CCDC198: variants seen among roughly 807,000 people sequenced by gnomAD.
The protein encoded by CCDC198 is factor associated with metabolism and energy.
CCDC198 carries 18 observed loss-of-function variants against 35.6 expected under a neutral mutation model. That is an observed-to-expected ratio of 0.51 (90% CI 0.35 to 0.75). CCDC198 has a LOEUF of 0.75. CCDC198 is among the 30% of genes least tolerant of loss of function. The pLI is 0.01. For synonymous variants in CCDC198, 119 were observed against 113.4 expected, an observed-to-expected ratio of 1.05 and a Z score of -0.31; for missense variants, 365 against 343.7, an observed-to-expected ratio of 1.06 and a Z score of -0.49.
At chr14:57,493,007 A>C (rs1008029950) in intron 1 of CCDC198, among the ~76,000 whole-genome samples, 1 of 152,090 alleles carries the variant, frequency 6.6e-6, no homozygotes, top group African/African-American at 2.4e-5. Context: ...TACTGCAATA[A>C]ATCAATACTG....
chr14:57,493,301 T>G (rs1006675911), intron 1 of CCDC198, among the ~76,000 whole-genome samples, 192 bp downstream of exon 1: 1 of 152,180 alleles, frequency 6.6e-6, no homozygotes, highest in Non-Finnish European at 1.5e-5. Context: ...ATACTCCCAT[T>G]CTAATGAACC....
At chr14:57,488,260 TA>T (rs2067435393) in intron 2 of CCDC198, among the ~76,000 whole-genome samples, 1 of 152,158 alleles carries the variant, frequency 6.6e-6, no homozygotes, top group South Asian at 2.1e-4. Flanking sequence ...GGTTGCAAGG[TA>T]TAATTCTTCC....
In CCDC198 at chr14:57,493,567, A is replaced by G; in HGVS notation, c.149T>C (p.Leu50Pro). ...TTCCAAGGCTTTATTCTGGTCCTGCAGTCTTGCCAGTGAATATGAAGTCTT... is the reference window on the plus strand; with the variant it reads ...TTCCAAGGCTTTATTCTGGTCCTGCGGTCTTGCCAGTGAATATGAAGTCTT... ...EEKTSYSLAR[L>P]QDQNKALEGQ... The change falls in exon 1 of 6, where the codon CTG becomes CCG. Residue 50 changes from leucine to proline, a missense_variant. Leu to Pro is a moderately conservative substitution (Grantham distance 98). Transcript: ENST00000216445. 1 of 1,613,994 alleles carries G rather than the reference A, an allele frequency of 6.2e-7. No individual in the cohort carries two copies. The highest frequency in any genetic ancestry group is 1.7e-4 in the Middle Eastern group (1 of 6,060).
chr14:57,486,603 C>T (rs1481844220), intron 2 of CCDC198, among the ~76,000 whole-genome samples: 1 of 151,988 alleles, frequency 6.6e-6, no homozygotes, highest in Non-Finnish European at 1.5e-5. Context: ...AGGTTGGGGG[C>T]CATTGACTTC....
At chr14:57,490,893 C>A in intron 2 of CCDC198, 96 bp downstream of exon 2, 1 of 1,151,358 alleles carries the variant, frequency 8.7e-7, no homozygotes, top group South Asian at 1.4e-5. Flanking sequence ...ATAGCTTGGT[C>A]CTTATCAATA....
At chr14:57,478,390 G>T in intron 5 of CCDC198, 1 of 862,760 alleles carries the variant, frequency 1.2e-6, no homozygotes, top group Non-Finnish European at 1.4e-6. Context: ...TCTAGGTTGT[G>T]TGAGAATTAA....
chr14:57,490,804 G>A (rs1037401870), intron 2 of CCDC198, 185 bp downstream of exon 2: 39 of 607,608 alleles, frequency 6.4e-5, no homozygotes, highest in African/African-American at 3.6e-4. Context: ...TCTTAAAAGC[G>A]AAATCATTGC....
At chr14:57,477,479 G>A (rs943322103) in intron 5 of CCDC198, among the ~76,000 whole-genome samples, 7 of 139,778 alleles carry the variant, frequency 5.0e-5, no homozygotes, top group Non-Finnish European at 7.8e-5. Flanking sequence ...ATTTTGTCAC[G>A]TGTATCTCAC....
chr14:57,481,370 A>G lies in CCDC198; in HGVS notation c.495+189T>C, dbSNP rs2067179108. Among the ~76,000 whole-genome samples, 7 of 152,190 alleles carry G rather than the reference A, an allele frequency of 4.6e-5. 1 individual carries two copies. Among genetic ancestry groups the G allele is most frequent in the Admixed American group, 4.6e-4 (7 of 15,286 alleles). ...ATACACAGATACAAACTTAGAAAAG[A>G]CTCAACAAGGTTATCAGCAGAAGGA... On this transcript the variant is annotated intron_variant, in intron 4 of 5. Coordinates refer to ENST00000216445, the MANE Select transcript of CCDC198 (RefSeq NM_018168.4).
chr14:57,482,421 A>T (rs2067218630), intron 3 of CCDC198, among the ~76,000 whole-genome samples: 1 of 152,154 alleles, frequency 6.6e-6, no homozygotes, highest in Non-Finnish European at 1.5e-5. Context: ...GGGCTTGAGG[A>T]TGTGACAGCA....
chr14:57,481,998 C>T (rs558393066), intron 3 of CCDC198, among the ~76,000 whole-genome samples: 2 of 152,316 alleles, frequency 1.3e-5, no homozygotes, highest in South Asian at 4.1e-4. Flanking sequence ...GAATTGTGTT[C>T]TGGTTTGAGG....
chr14:57,475,083 AC>A (rs1182848650), intron 5 of CCDC198, among the ~76,000 whole-genome samples: 2 of 151,914 alleles, frequency 1.3e-5, no homozygotes, highest in Admixed American at 6.6e-5. Context: ...AACACAGTGA[AC>A]CCCCGTCTCT....
rs1182376803 is a variant in CCDC198 at position 57,481,588 on chromosome 14, C to G, written c.466G>C (p.Val156Leu). 1 of 1,612,490 alleles carries G rather than the reference C, an allele frequency of 6.2e-7. No individual in the cohort carries two copies. Among genetic ancestry groups the G allele is most frequent in the Admixed American group, 1.7e-5 (1 of 59,948 alleles). ...TGTCTTTTACGGATCATTTCCAGCA[C>G]TTGCATCTTATGCAAATATTGTCTG... is the stretch of plus-strand genomic sequence containing the variant. ...ENRQYLHKMQVLEMIRKRQEA... is the reference protein window; with the variant it reads ...ENRQYLHKMQLLEMIRKRQEA... The change falls in exon 4 of 6, where the codon GTG becomes CTG. Residue 156 changes from valine (V) to leucine (L), a missense_variant. By Grantham distance (32) the Val-to-Leu change is conservative. Transcript: ENST00000216445.
At chr14:57,478,490 T>G (rs2067074556) in intron 5 of CCDC198, 1 of 986,382 alleles carries the variant, frequency 1.0e-6, no homozygotes, top group Non-Finnish European at 1.2e-6. Context: ...GAAGCAGCTT[T>G]AAAAAGCATC....
At chr14:57,473,211 A>G (rs1334114146) in intron 5 of CCDC198, among the ~76,000 whole-genome samples, 2 of 152,198 alleles carry the variant, frequency 1.3e-5, no homozygotes, top group African/African-American at 2.4e-5. Context: ...TTCCCCTTGA[A>G]TACTATTATA....
chr14:57,475,726 C>T, intron 5 of CCDC198: 1 of 413,738 alleles, frequency 2.4e-6, no homozygotes, highest in Non-Finnish European at 4.7e-6. Flanking sequence ...AAAAAAAAGA[C>T]ATCAATTCTA....
chr14:57,470,122 T>C lies in CCDC198; in HGVS notation c.*1233A>G, dbSNP rs1448975511. The C allele has an allele frequency of 6.6e-6, 1 of 152,216 alleles. No homozygotes were observed. The highest frequency in any genetic ancestry group is 1.5e-5 in the Non-Finnish European group (1 of 68,040). 9.4% of individuals were successfully genotyped at this position (152,216 alleles called of 1,614,324 possible). ...TTAAGGAGCTCTAAAATCTACATCA[T>C]AATCTAAGAAGTCTTAATTTTGAAC... On this transcript the variant is annotated 3_prime_UTR_variant, in exon 6 of 6. Transcript: ENST00000216445.
chr14:57,480,687 TG>T lies in CCDC198; in HGVS notation c.562del (p.His188IlefsTer19). The T allele has an allele frequency of 6.2e-7, 1 of 1,614,202 alleles. No homozygotes were observed. Among genetic ancestry groups the T allele is most frequent in the Non-Finnish European group, 8.5e-7 (1 of 1,179,996 alleles). The part of the protein sequence containing the change: ...ARINKQSPRD[H>X]KAKKTLQSTP... ...GCTTTGAAGGGTTTTCTTGGCTTTA[TG>T]GTCCCTTGGACTTTGCTTATTAATT... On this transcript the variant is annotated frameshift_variant, in exon 5 of 6. Transcript: ENST00000216445. LOFTEE classifies it high-confidence loss of function.
intron 1 of CCDC198, among the ~76,000 whole-genome samples, chr14:57,492,151 C>A (rs1272591892): frequency 6.6e-6 from 1 of 151,912 alleles, no homozygotes; most frequent in African/African-American, 2.4e-5. Flanking sequence ...TAGGCTGTGT[C>A]AGGCATTTAT....
Sources: gnomAD v4.1 joint callset for allele counts (sites outside exome capture counted in the v4.1 genomes callset) on GRCh38, gnomAD v4.1.1 for gene constraint, MANE v1.5 for transcripts, NCBI Gene and HGNC (gene_info 2026-07-23, HGNC 2026-07-21) for gene names.